CIMIP2A: variants seen among roughly 807,000 people sequenced by gnomAD.
The protein encoded by CIMIP2A is family with sequence similarity 166 member A.
the CIMIP2A span, chr9:137,252,172 T>C: frequency 4.4e-6 from 7 of 1,584,082 alleles, no homozygotes; most frequent in Non-Finnish European, 8.6e-7. Context: ...CCACCGGGCC[T>C]GTCCCTCACC....
the CIMIP2A span, chr9:137,245,591 C>G: frequency 6.2e-7 from 1 of 1,613,674 alleles, no homozygotes; most frequent in Non-Finnish European, 8.5e-7. Flanking sequence ...AGTGCCGGGA[C>G]AGGCAGGCGG....
chr9:137,245,896 G>C, the CIMIP2A span: 80 of 1,435,674 alleles, frequency 5.6e-5, no homozygotes, highest in Non-Finnish European at 7.2e-5. Context: ...CTCAAGGGCA[G>C]CCCCAGCACT....
the CIMIP2A span, among the ~76,000 whole-genome samples, chr9:137,253,649 C>A: frequency 6.6e-6 from 1 of 152,206 alleles, no homozygotes; most frequent in Non-Finnish European, 1.5e-5. Flanking sequence ...TGAGCTCTAG[C>A]CTGGAGCGAG....
chr9:137,252,402 TC>T, the CIMIP2A span: 1 of 1,590,514 alleles, frequency 6.3e-7, no homozygotes, highest in South Asian at 1.1e-5. Context: ...TGGGTGGGGC[TC>T]CCAGCCTTCT....
chr9:137,247,156 A>ATATC, the CIMIP2A span, among the ~76,000 whole-genome samples: 1 of 152,138 alleles, frequency 6.6e-6, no homozygotes, highest in Admixed American at 6.5e-5. Context: ...GTGGTGGCAG[A>ATATC]TGCCTGTAAT....
the CIMIP2A span, chr9:137,245,735 T>C: frequency 6.2e-7 from 1 of 1,601,364 alleles, no homozygotes; most frequent in Non-Finnish European, 8.5e-7. Flanking sequence ...GGTTTGGACA[T>C]GGGGGACAGC....
At chr9:137,244,301 G>A in the CIMIP2A span, 11 of 1,613,258 alleles carry the variant, frequency 6.8e-6, no homozygotes, top group Non-Finnish European at 9.3e-6. Flanking sequence ...GGGGAGACAG[G>A]AAGGTGCTAA....
the CIMIP2A span, chr9:137,245,896 GC>G: frequency 1.4e-6 from 2 of 1,435,788 alleles, no homozygotes; most frequent in East Asian, 2.4e-5. Context: ...CTCAAGGGCA[GC>G]CCCAGCACTG....
chr9:137,251,198 C>A, the CIMIP2A span: 1 of 967,992 alleles, frequency 1.0e-6, no homozygotes, highest in South Asian at 1.3e-5. Flanking sequence ...GACAATGTGT[C>A]TTCCTCAGGA....
At chr9:137,252,071 C>G in the CIMIP2A span, 1 of 1,612,872 alleles carries the variant, frequency 6.2e-7, no homozygotes, top group African/African-American at 1.3e-5. Context: ...AGGTGCCGAG[C>G]CCGTCCGTAC....
the CIMIP2A span, chr9:137,245,475 C>T: frequency 2.5e-6 from 4 of 1,613,860 alleles, no homozygotes; most frequent in South Asian, 4.4e-5. Context: ...TGGGTATGTT[C>T]TCTACCCCTG....
the CIMIP2A span, chr9:137,252,524 A>C: frequency 9.6e-7 from 1 of 1,042,712 alleles, no homozygotes; most frequent in Non-Finnish European, 1.3e-6. Flanking sequence ...CAAGAGCAAA[A>C]GGTTGGGGGC....
chr9:137,244,376 C>T, the CIMIP2A span: 30 of 1,593,790 alleles, frequency 1.9e-5, no homozygotes, highest in Non-Finnish European at 2.3e-5. Flanking sequence ...GGCCGGAGGG[C>T]CGGCACTCCG....
chr9:137,245,606 A>G, the CIMIP2A span: 6 of 1,613,100 alleles, frequency 3.7e-6, no homozygotes, highest in African/African-American at 1.3e-5. Context: ...AGGCGGGCAC[A>G]GGAGGGTGCA....
chr9:137,244,025 G>T, the CIMIP2A span: 1 of 926,934 alleles, frequency 1.1e-6, no homozygotes, highest in Non-Finnish European at 1.7e-6. Flanking sequence ...TAGGGAGGAT[G>T]GCAGACAATC....
the CIMIP2A span, chr9:137,252,351 G>A: frequency 8.3e-6 from 12 of 1,443,214 alleles, no homozygotes; most frequent in African/African-American, 2.8e-5. Context: ...CAGGGGCCGA[G>A]GGTGGGAACC....
the CIMIP2A span, chr9:137,252,535 T>C: frequency 4.0e-6 from 2 of 502,730 alleles, no homozygotes; most frequent in African/African-American, 1.1e-4. Context: ...GGTTGGGGGC[T>C]GGGCAGGAAG....
At chr9:137,250,066 G>T in the CIMIP2A span, among the ~76,000 whole-genome samples, 1 of 152,202 alleles carries the variant, frequency 6.6e-6, no homozygotes, top group East Asian at 1.9e-4. Context: ...TGAAGGAAAT[G>T]AATTAGAGGA....
the CIMIP2A span, chr9:137,244,321 TC>T: frequency 5.0e-6 from 8 of 1,612,182 alleles, no homozygotes; most frequent in Non-Finnish European, 6.8e-6. Flanking sequence ...ACAAGCTCCC[TC>T]CCCGGCAGGC....
Sources: allele counts gnomAD v4.1 joint callset (sites outside exome capture counted in the v4.1 genomes callset), GRCh38; gene constraint gnomAD v4.1.1; transcripts MANE v1.5; gene names NCBI Gene and HGNC (gene_info 2026-07-23, HGNC 2026-07-21).